The following CIT variants were observed in gnomAD, a reference collection of about 807,000 sequenced individuals.
The protein encoded by CIT is citron rho-interacting serine/threonine kinase.
CIT carries 79 observed loss-of-function variants against 272.7 expected under a neutral mutation model. The observed-to-expected ratio is 0.29, with a 90% CI of 0.24 to 0.35. CIT has a LOEUF of 0.35. Among genes scored for constraint, CIT ranks in the 10% least tolerant of loss-of-function variants. The pLI, the probability that CIT is intolerant of heterozygous loss-of-function variation, is 1.00. For missense variants in CIT, 1,909 were observed against 2,618.3 expected, an observed-to-expected ratio of 0.73 and a Z score of 5.91; for synonymous variants, 948 against 995.6, an observed-to-expected ratio of 0.95 and a Z score of 0.90.
chr12:119,871,157 C>T (rs1253892580), intron 2 of CIT, among the ~76,000 whole-genome samples: 2 of 150,790 alleles, frequency 1.3e-5, no homozygotes, highest in African/African-American at 4.9e-5. Context: ...GGCTATACTA[C>T]TGAAAGACCT....
chr12:119,720,709 G>A (rs1196857867), intron 29 of CIT, 124 bp from the exon 30 acceptor site: 3 of 607,606 alleles, frequency 4.9e-6, no homozygotes, highest in Non-Finnish European at 8.3e-6. Context: ...AACACAAACA[G>A]TACTGAGTCA....
chr12:119,752,024 C>T (rs1272921236), intron 23 of CIT, 26 bp downstream of exon 23: 2 of 1,595,018 alleles, frequency 1.3e-6, no homozygotes, highest in African/African-American at 2.7e-5. Context: ...CTTTAGCAAC[C>T]TGAAGATGTT....
rs1018907025 is a variant in CIT, at chr12:119,789,730, C to T, written c.1296-4665G>A. On this transcript the variant is annotated intron_variant, in intron 10 of 47. Coordinates refer to ENST00000392521, the MANE Select transcript of CIT (RefSeq NM_001206999.2). Reference sequence around the variant, plus strand: ...TTGTTTTGTTTTGTTTTGTTTGAGACGGAGTCTCACTCCGTCACCAGGCTG... The same window carrying T: ...TTGTTTTGTTTTGTTTTGTTTGAGATGGAGTCTCACTCCGTCACCAGGCTG... 2.6e-5 allele frequency among the ~76,000 whole-genome samples: 4 copies of T among 152,022 alleles called. No homozygotes were observed. The South Asian group carries it at 8.3e-4, about 32-fold the overall frequency.
chr12:119,748,174 GA>G, intron 23 of CIT, among the ~76,000 whole-genome samples: 1 of 151,648 alleles, frequency 6.6e-6, no homozygotes, highest in Non-Finnish European at 1.5e-5. Flanking sequence ...CAAAAAAAAG[GA>G]AAAAAAACCA....
intron 3 of CIT, among the ~76,000 whole-genome samples, chr12:119,865,098 C>G (rs746782157): frequency 9.2e-5 from 14 of 152,166 alleles, no homozygotes; most frequent in Non-Finnish European, 2.9e-5. Context: ...ATGTAATCAC[C>G]CATTTTCAAT....
In CIT at chr12:119,735,193, C is replaced by T. The variant is rs907326946; in HGVS notation, c.3123G>A (p.Thr1041=). The T allele has an allele frequency of 1.2e-6, 2 of 1,614,116 alleles. No individual in the cohort carries two copies. Among genetic ancestry groups the T allele is most frequent in the South Asian group, 1.1e-5 (1 of 91,074 alleles). The change falls in exon 25 of 48, where the codon ACG becomes ACA. Residue 1041 remains threonine (T), a synonymous_variant. Coordinates refer to ENST00000392521, the MANE Select transcript of CIT (RefSeq NM_001206999.2). ...GGCTGGTAAGCTGCATCTCTCGTTCCGTGATCTCCCGGCGGAGATGGTCCA... is the reference window on the plus strand; with the variant it reads ...GGCTGGTAAGCTGCATCTCTCGTTCTGTGATCTCCCGGCGGAGATGGTCCA... ...SEVDHLRREI[T]EREMQLTSQK... is the part of the protein sequence containing the mutation.
intron 24 of CIT, among the ~76,000 whole-genome samples, chr12:119,740,314 A>G (rs745708639): frequency 2.0e-5 from 3 of 152,242 alleles, no homozygotes; most frequent in African/African-American, 7.2e-5. Flanking sequence ...TCCAGTTTTT[A>G]AAATGGGGGA....
intron 10 of CIT, among the ~76,000 whole-genome samples, chr12:119,802,849 G>C (rs1273138799): frequency 1.3e-5 from 2 of 152,074 alleles, no homozygotes; most frequent in Non-Finnish European, 2.9e-5. Flanking sequence ...TTAGATAGAT[G>C]GGCAGCTCAT....
intron 10 of CIT, among the ~76,000 whole-genome samples, chr12:119,798,942 A>G (rs996504055): frequency 2.0e-5 from 3 of 152,248 alleles, no homozygotes; most frequent in African/African-American, 7.2e-5. Flanking sequence ...TTGTTTCAAC[A>G]TAACCTGTTT....
rs1958239800 is a variant in CIT at position 119,728,370 on chromosome 12, A to G, written c.3591+132T>C. 7 of 658,808 alleles carry G rather than the reference A, an allele frequency of 1.1e-5. 1 individual carries two copies. The South Asian group carries it at 1.3e-4, about 12-fold the overall frequency. The allele number at this position is 658,808 out of a possible 1,614,324, so 40.8% of individuals were successfully genotyped here. On this transcript the variant is annotated intron_variant, in intron 28 of 47. Transcript: ENST00000392521. The surrounding 1 kb of genome is among the most constrained non-coding windows in gnomAD (Gnocchi z 4.3). ...TGGGGACACTGTGGGAGGAGGAGAC[A>G]GGGAGTATGTGGGAACTCTCTGTGC...
chr12:119,715,858 T>C (rs1363453256), intron 32 of CIT, among the ~76,000 whole-genome samples: 3 of 152,142 alleles, frequency 2.0e-5, no homozygotes, highest in East Asian at 1.9e-4. Flanking sequence ...TGGTAGGAGA[T>C]TGACTGACTA....
Position 119,784,292 on chromosome 12 carries a change from C to A in CIT, c.1402-241G>T. The A allele has an allele frequency of 6.5e-7, 1 of 1,539,016 alleles. No individual in the cohort carries two copies. The highest frequency in any genetic ancestry group is 8.8e-7 in the Non-Finnish European group (1 of 1,135,244). On this transcript the variant is annotated intron_variant, in intron 11 of 47. Transcript: ENST00000392521. This position sits in a 1 kb window ranked among gnomAD's most constrained non-coding sequence, Gnocchi z 4.7. ...TCCCGGTTCACACTTGATCACTTCT[C>A]TAACCCAGTTAGCAAGGAAGCCACA...
chr12:119,855,287 G>A (rs1409966137), intron 4 of CIT, among the ~76,000 whole-genome samples: 1 of 152,120 alleles, frequency 6.6e-6, no homozygotes, highest in Admixed American at 6.6e-5. Flanking sequence ...GCCGGGCATT[G>A]TGGCAGGCGC....
Position 119,758,575 on chromosome 12 carries a change from G to A in CIT, c.2531+16C>T. ...AAAGTGTAATAATGTAGGGCAGTTAGAATTTGAATACTTACATGTTCCTTT... is the reference window on the plus strand; with the variant it reads ...AAAGTGTAATAATGTAGGGCAGTTAAAATTTGAATACTTACATGTTCCTTT... On this transcript the variant is annotated intron_variant, in intron 21 of 47. Transcript: ENST00000392521. 2 of 1,527,724 alleles carry A rather than the reference G, an allele frequency of 1.3e-6. No individual in the cohort carries two copies. Among genetic ancestry groups the A allele is most frequent in the Non-Finnish European group, 1.8e-6 (2 of 1,101,570 alleles). The allele number at this position is 1,527,724 out of a possible 1,614,324, so 94.6% of individuals were successfully genotyped here.
intron 10 of CIT, among the ~76,000 whole-genome samples, chr12:119,790,083 T>C (rs919278455): frequency 1.3e-5 from 2 of 152,172 alleles, no homozygotes; most frequent in African/African-American, 4.8e-5. Context: ...TGATTGCTGA[T>C]AATTGCATTA....
intron 39 of CIT, among the ~76,000 whole-genome samples, chr12:119,709,787 A>AGTGT (rs150206566): frequency 1.5e-4 from 16 of 107,688 alleles, no homozygotes; most frequent in South Asian, 3.7e-4. Flanking sequence ...AGAGAGAGAG[A>AGTGT]GTGTGTGTGT....
chr12:119,771,876 T>A (rs994396657), intron 17 of CIT, among the ~76,000 whole-genome samples: 1 of 151,710 alleles, frequency 6.6e-6, no homozygotes, highest in Non-Finnish European at 1.5e-5. Flanking sequence ...GACACCAAAG[T>A]TTCAAGCCTG....
intron 3 of CIT, among the ~76,000 whole-genome samples, chr12:119,862,273 G>C (rs1950362700): frequency 6.6e-6 from 1 of 152,102 alleles, no homozygotes; most frequent in Non-Finnish European, 1.5e-5. Flanking sequence ...AGGATTACAG[G>C]CGTGAGCCAC....
At position 119,690,433 on chromosome 12, in the gene CIT, T is replaced by C. The variant is rs2136911891; in HGVS notation, c.5904A>G (p.Pro1968=). 6.3e-7 allele frequency: 1 copy of C among 1,592,090 alleles called. No homozygotes were observed. Among genetic ancestry groups the C allele is most frequent in the Non-Finnish European group, 8.5e-7 (1 of 1,176,018 alleles). Residue 1968 remains proline (P), a synonymous_variant, in exon 47 of 48, where the codon CCA becomes CCG. Coordinates refer to ENST00000392521, the MANE Select transcript of CIT (RefSeq NM_001206999.2). This position sits in a 1 kb window ranked among gnomAD's most constrained non-coding sequence, Gnocchi z 6.0. ...TSRSSPNKRG[P]PTYNEHITKR... ...TGGTGATGTGCTCGTTGTACGTGGG[T>C]GGGCCTCGCTTGTTGGGGCTGCTGG...
Sources: allele counts gnomAD v4.1 joint callset (sites outside exome capture counted in the v4.1 genomes callset), GRCh38; gene constraint gnomAD v4.1.1; non-coding constraint Gnocchi (gnomAD v3.1); transcripts MANE v1.5; gene names NCBI Gene and HGNC (gene_info 2026-07-23, HGNC 2026-07-21).